UXS1: variants seen among roughly 807,000 people sequenced by gnomAD.
The protein encoded by UXS1 is UDP-glucuronic acid decarboxylase 1.
UXS1 carries 33 observed loss-of-function variants against 62.6 expected under a neutral mutation model. The ratio of observed to expected loss-of-function variants is 0.53; its 90% CI spans 0.40 to 0.70. UXS1 has a LOEUF of 0.70. UXS1 is among the 30% of genes least tolerant of loss of function. UXS1 has a pLI of 0.00. For missense variants in UXS1, 434 were observed against 556.3 expected (o/e 0.78, Z 2.21); for synonymous variants, 213 against 206.8 (o/e 1.03, Z -0.26).
chr2:106,115,344 C>G (rs900964657), intron 9 of UXS1, among the ~76,000 whole-genome samples: 4 of 152,228 alleles, frequency 2.6e-5, no homozygotes, highest in Non-Finnish European at 5.9e-5. Flanking sequence ...CATTCATGAA[C>G]CCCTGACTCC....
intron 9 of UXS1, among the ~76,000 whole-genome samples, chr2:106,113,821 A>T (rs777166839): frequency 6.6e-6 from 1 of 152,224 alleles, no homozygotes; most frequent in Non-Finnish European, 1.5e-5. Context: ...CAGGCCTGCC[A>T]CTGACTCGGT....
At chr2:106,171,587 G>A (rs1484936234) in intron 1 of UXS1, among the ~76,000 whole-genome samples, 2 of 152,162 alleles carry the variant, frequency 1.3e-5, no homozygotes, top group Non-Finnish European at 2.9e-5. Flanking sequence ...TTAGAATAGG[G>A]ATATAGCCTG....
chr2:106,186,457 T>TATATATATACACAC (rs375660148), intron 1 of UXS1, among the ~76,000 whole-genome samples: 8 of 148,694 alleles, frequency 5.4e-5, no homozygotes, highest in African/African-American at 2.0e-4. Context: ...TATATATATA[T>TATATATATACACAC]ACACACACAC....
chr2:106,186,190 G>C (rs1028141754), intron 1 of UXS1, among the ~76,000 whole-genome samples: 3 of 152,066 alleles, frequency 2.0e-5, no homozygotes, highest in African/African-American at 4.8e-5. Flanking sequence ...CAAGATATTC[G>C]CACAGGTGGC....
chr2:106,100,364 T>C (rs1677491498), intron 12 of UXS1, among the ~76,000 whole-genome samples: 1 of 152,116 alleles, frequency 6.6e-6, no homozygotes, highest in African/African-American at 2.4e-5. Flanking sequence ...CTTCAAATCC[T>C]TGGAGAGTTA....
intron 5 of UXS1, among the ~76,000 whole-genome samples, chr2:106,149,288 T>A (rs966882633): frequency 1.3e-5 from 2 of 152,144 alleles, no homozygotes; most frequent in African/African-American, 4.8e-5. Flanking sequence ...GTGCACATAA[T>A]AAAATTCATG....
At chr2:106,121,369 T>A (rs955461410) in intron 9 of UXS1, among the ~76,000 whole-genome samples, 12 of 152,206 alleles carry the variant, frequency 7.9e-5, no homozygotes, top group African/African-American at 2.9e-4. Context: ...AAAAGCTCAA[T>A]CAAAATGTCC....
chr2:106,107,231 C>G (rs897775004), intron 10 of UXS1, among the ~76,000 whole-genome samples: 1 of 152,204 alleles, frequency 6.6e-6, no homozygotes, highest in Admixed American at 6.5e-5. Context: ...GTCAGGGCCA[C>G]TGTGATGGTG....
chr2:106,113,500 T>A (rs975078236), intron 9 of UXS1, among the ~76,000 whole-genome samples: 1 of 152,196 alleles, frequency 6.6e-6, no homozygotes, highest in Non-Finnish European at 1.5e-5. Context: ...ACTTTTGTAA[T>A]CCAGAAAAGC....
chr2:106,100,805 C>A (rs1228596453), intron 12 of UXS1: 3 of 460,594 alleles, frequency 6.5e-6, no homozygotes, highest in Non-Finnish European at 1.1e-5. Context: ...AGGCTTCACA[C>A]AATCTTAGAC....
intron 11 of UXS1, among the ~76,000 whole-genome samples, chr2:106,103,312 G>A (rs888691980): frequency 2.0e-5 from 3 of 152,320 alleles, no homozygotes; most frequent in East Asian, 1.9e-4. Flanking sequence ...TCCTTTTACC[G>A]CACAACATCT....
At chr2:106,138,054 G>A in intron 6 of UXS1, 1 of 412,692 alleles carries the variant, frequency 2.4e-6, no homozygotes, top group Non-Finnish European at 3.3e-6. Context: ...TACTCTTGAG[G>A]TGACAAGGTA....
chr2:106,167,887 C>T (rs1683306910), intron 1 of UXS1, among the ~76,000 whole-genome samples: 1 of 152,114 alleles, frequency 6.6e-6, no homozygotes, highest in African/African-American at 2.4e-5. Context: ...ATGGGCCGGG[C>T]ACTGTGGCTC....
In UXS1 at chr2:106,194,175, CCAG is replaced by C. The variant is rs1409520996; in HGVS notation, c.64_66del (p.Leu22del). 6.7e-7 allele frequency: 1 copy of C among 1,486,258 alleles called. No homozygotes were observed. Among genetic ancestry groups the C allele is most frequent in the Non-Finnish European group, 9.0e-7 (1 of 1,116,726 alleles). The allele number at this position is 1,486,258 out of a possible 1,614,324, so 92.1% of individuals were successfully genotyped here. ...GCGACGTAGGCCAGCAAGGCGATGC[CCAG>C]CAGCAGCTTCATCCTCCTGCGGTTG... On this transcript the variant is annotated inframe_deletion, in exon 1 of 15. Coordinates refer to ENST00000283148, the MANE Select transcript of UXS1 (RefSeq NM_001253875.2).
Position 106,186,836 on chromosome 2 carries a change from A to G in UXS1, c.94+7312T>C, listed in dbSNP as rs559951183. Among the ~76,000 whole-genome samples the G allele has an allele frequency of 2.6e-5, 4 of 152,266 alleles. No individual in the cohort carries two copies. In the South Asian group the frequency reaches 8.3e-4, roughly 32 times the overall value. On this transcript the variant is annotated intron_variant, in intron 1 of 14. Transcript: ENST00000283148. Reference sequence around the variant, plus strand: ...CTGTCTCAAAAAAACAGAAGCAAAAAAAAAATCTCAGAAAGGCTATCACAG... The same window carrying G: ...CTGTCTCAAAAAAACAGAAGCAAAAGAAAAATCTCAGAAAGGCTATCACAG...
chr2:106,146,831 G>GAGGAGA (rs1248172929), intron 5 of UXS1, among the ~76,000 whole-genome samples: 2 of 146,152 alleles, frequency 1.4e-5, no homozygotes, highest in Non-Finnish European at 3.0e-5. Flanking sequence ...AAAAATGGCA[G>GAGGAGA]AGGAGAAGTA....
chr2:106,165,234 T>C (rs1683138535), intron 2 of UXS1, among the ~76,000 whole-genome samples: 1 of 152,154 alleles, frequency 6.6e-6, no homozygotes, highest in Non-Finnish European at 1.5e-5. Context: ...ACAGCAGCCT[T>C]TGTCAGGAGA....
chr2:106,112,588 T>G, intron 10 of UXS1, 58 bp downstream of exon 10: 1 of 1,598,086 alleles, frequency 6.3e-7, no homozygotes, highest in South Asian at 1.1e-5. Context: ...CCTCATCCTT[T>G]GTGAGCTGAC....
At chr2:106,137,000 G>GAAAAAAAAA (rs1680707938) in intron 6 of UXS1, among the ~76,000 whole-genome samples, 1 of 116,984 alleles carries the variant, frequency 8.5e-6, no homozygotes, top group Non-Finnish European at 1.8e-5. Flanking sequence ...AGCCAAGTCT[G>GAAAAAAAAA]AAAACCAGTG....
Sources: allele counts gnomAD v4.1 joint callset (sites outside exome capture counted in the v4.1 genomes callset), GRCh38; gene constraint gnomAD v4.1.1; transcripts MANE v1.5; gene names NCBI Gene and HGNC (gene_info 2026-07-23, HGNC 2026-07-21).